CTNNA3: variants seen among roughly 807,000 people sequenced by gnomAD.
CTNNA3 encodes the protein catenin alpha-3.
Under a neutral mutation model 95.7 loss-of-function variants are expected in CTNNA3, and 76 were observed. The ratio of observed to expected loss-of-function variants is 0.79; its 90% CI spans 0.66 to 0.96. The LOEUF is 0.96. Among genes scored for constraint, CTNNA3 ranks in the 40% least tolerant of loss-of-function variants. The pLI is 0.00. For missense variants in CTNNA3, 1,191 were observed against 1,089.8 expected, an observed-to-expected ratio of 1.09 and a Z score of -1.31; for synonymous variants, 431 against 374.4, an observed-to-expected ratio of 1.15 and a Z score of -1.74.
chr10:66,287,257 T>C (rs1276856789), intron 12 of CTNNA3, among the ~76,000 whole-genome samples: 1 of 152,096 alleles, frequency 6.6e-6, no homozygotes, highest in Non-Finnish European at 1.5e-5. Context: ...ATCACACCAC[T>C]GCAGTTCAGC....
At chr10:67,673,315 A>G (rs1330862763) in intron 1 of CTNNA3, among the ~76,000 whole-genome samples, 1 of 146,888 alleles carries the variant, frequency 6.8e-6, no homozygotes, top group Non-Finnish European at 1.5e-5. Context: ...AACAGGGACA[A>G]TTTGACTTCC....
chr10:67,225,894 A>G (rs536140749), intron 5 of CTNNA3, among the ~76,000 whole-genome samples: 1 of 152,344 alleles, frequency 6.6e-6, no homozygotes, highest in East Asian at 1.9e-4. Flanking sequence ...TACCTGAAAA[A>G]GAATTCAGGA....
chr10:66,271,016 A>G (rs2091269784), intron 13 of CTNNA3, among the ~76,000 whole-genome samples: 1 of 152,170 alleles, frequency 6.6e-6, no homozygotes, highest in African/African-American at 2.4e-5. Flanking sequence ...CTCCCATGGT[A>G]TAAAAACATT....
intron 15 of CTNNA3, among the ~76,000 whole-genome samples, chr10:66,003,368 C>T (rs921697135): frequency 1.3e-5 from 2 of 151,346 alleles, no homozygotes; most frequent in African/African-American, 4.9e-5. Flanking sequence ...AGAAGAAATT[C>T]CCTTCCTCAA....
chr10:66,936,236 C>T (rs2132660482), intron 7 of CTNNA3, among the ~76,000 whole-genome samples: 1 of 152,128 alleles, frequency 6.6e-6, no homozygotes, highest in East Asian at 1.9e-4. Flanking sequence ...AATGCAAGAG[C>T]ATTAAGCTAG....
At chr10:67,004,452 C>T (rs370492160) in intron 7 of CTNNA3, among the ~76,000 whole-genome samples, 1 of 152,204 alleles carries the variant, frequency 6.6e-6, no homozygotes, top group East Asian at 1.9e-4. Context: ...GGCATGGTGT[C>T]TGATACTTCA....
chr10:66,557,182 A>C (rs2660023), intron 10 of CTNNA3, among the ~76,000 whole-genome samples: 1 of 151,914 alleles, frequency 6.6e-6, no homozygotes, highest in Non-Finnish European at 1.5e-5. Flanking sequence ...AACGTGCTTT[A>C]TATGTGTGCA....
intron 13 of CTNNA3, among the ~76,000 whole-genome samples, chr10:66,235,437 ATTAT>A (rs1436427704): frequency 6.6e-6 from 1 of 151,244 alleles, no homozygotes; most frequent in Non-Finnish European, 1.5e-5. Flanking sequence ...GATTTATAAA[ATTAT>A]TTATCCTGAT....
chr10:66,568,561 G>T (rs750421936), intron 10 of CTNNA3, among the ~76,000 whole-genome samples: 2 of 151,938 alleles, frequency 1.3e-5, no homozygotes, highest in Non-Finnish European at 2.9e-5. Context: ...TTCCTGAGCT[G>T]CATACAGAAC....
intron 2 of CTNNA3, among the ~76,000 whole-genome samples, chr10:67,611,107 G>A (rs1250406364): frequency 6.6e-6 from 1 of 151,970 alleles, no homozygotes; most frequent in Admixed American, 6.5e-5. Flanking sequence ...CCACAAAACC[G>A]GACATATTTT....
chr10:66,237,278 A>T lies in CTNNA3; in HGVS notation c.1884+43192T>A, dbSNP rs570241377. 1.8e-4 allele frequency among the ~76,000 whole-genome samples: 28 copies of T among 152,310 alleles called. 1 individual carries two copies. Among genetic ancestry groups the T allele is most frequent in the Admixed American group, 1.5e-3 (23 of 15,296 alleles). On this transcript the variant is annotated intron_variant, in intron 13 of 17. Coordinates refer to ENST00000433211, the MANE Select transcript of CTNNA3 (RefSeq NM_013266.4). The stretch of plus-strand genomic sequence containing the variant: ...ACCCACCAATAGAAAAGTAATGTAC[A>T]ATATTAGCAAAGGTTTGTGCCTTCC...
chr10:67,368,598 A>C (rs1201055948), intron 5 of CTNNA3, among the ~76,000 whole-genome samples: 1 of 152,252 alleles, frequency 6.6e-6, no homozygotes, highest in Non-Finnish European at 1.5e-5. Context: ...ATAGCCTAAA[A>C]CTGGAAACAA....
Position 67,521,793 on chromosome 10 carries a change from G to A in CTNNA3, c.579+49C>T, listed in dbSNP as rs369654804. ...GCACCTCTGACAGGCAGGATGGCAG[G>A]AAGCCTAAAGTGTTCATCTCCTCCA... On this transcript the variant is annotated intron_variant, in intron 5 of 17. Transcript: ENST00000433211. 7.0e-6 allele frequency: 11 copies of A among 1,577,564 alleles called. No homozygotes were observed. The African/African-American group carries it at 1.2e-4, about 18-fold the overall frequency.
At chr10:66,106,337 T>TTGTG (rs201326026) in intron 13 of CTNNA3, among the ~76,000 whole-genome samples, 3,140 of 145,516 alleles carry the variant, frequency 0.022, 37 homozygotes, top group Non-Finnish European at 0.028. Context: ...GTGTGTGTGT[T>TTGTG]TGTGTGTGTG....
chr10:66,514,763 T>A (rs7896205), intron 11 of CTNNA3, among the ~76,000 whole-genome samples: 1 of 152,150 alleles, frequency 6.6e-6, no homozygotes, highest in Admixed American at 6.5e-5. Flanking sequence ...AACCCTTATA[T>A]TTAATCAGTT....
chr10:66,630,574 AGG>A (rs1381071781), intron 9 of CTNNA3, among the ~76,000 whole-genome samples: 1 of 152,168 alleles, frequency 6.6e-6, no homozygotes, highest in Non-Finnish European at 1.5e-5. Flanking sequence ...AGATGGAAAG[AGG>A]CACAGTAACT....
chr10:67,563,886 G>GA (rs1283821801), intron 3 of CTNNA3, among the ~76,000 whole-genome samples: 4 of 149,316 alleles, frequency 2.7e-5, no homozygotes, highest in Admixed American at 2.0e-4. Flanking sequence ...ACAGACACAT[G>GA]AAAAAATGCT....
At chr10:66,407,683 C>T (rs962507962) in intron 11 of CTNNA3, among the ~76,000 whole-genome samples, 8 of 151,866 alleles carry the variant, frequency 5.3e-5, no homozygotes, top group African/African-American at 1.2e-4. Flanking sequence ...TGGGTTCAAG[C>T]GATTCTCCTG....
At chr10:66,424,608 T>A (rs181055625) in intron 11 of CTNNA3, among the ~76,000 whole-genome samples, 16 of 152,252 alleles carry the variant, frequency 1.1e-4, no homozygotes, top group Non-Finnish European at 8.8e-5. Context: ...TTTTTATTGC[T>A]GATATCTAAT....
Sources: allele counts gnomAD v4.1 joint callset (sites outside exome capture counted in the v4.1 genomes callset), GRCh38; gene constraint gnomAD v4.1.1; transcripts MANE v1.5; gene names NCBI Gene and HGNC (gene_info 2026-07-23, HGNC 2026-07-21).